The following RBFOX1 variants were observed in gnomAD, a reference collection of about 807,000 sequenced individuals.
The protein encoded by RBFOX1 is RNA binding protein fox-1 homolog 1.
RBFOX1 carries 8 observed loss-of-function variants against 57.7 expected under a neutral mutation model. The ratio of observed to expected loss-of-function variants is 0.14; its 90% CI spans 0.08 to 0.25. The LOEUF is 0.25. Among genes scored for constraint, RBFOX1 ranks in the 10% least tolerant of loss-of-function variants. RBFOX1 has a pLI of 1.00. For missense variants in RBFOX1, 611 were observed against 548.5 expected (o/e 1.11, Z -1.14); for synonymous variants, 326 against 222.4 (o/e 1.47, Z -4.15).
At chr16:6,330,258 C>T (rs190018014) in intron 2 of RBFOX1, among the ~76,000 whole-genome samples, 51 of 152,272 alleles carry the variant, frequency 3.3e-4, no homozygotes, top group African/African-American at 1.2e-3. Flanking sequence ...CTTACTCCTG[C>T]GTAGTGGTGG....
chr16:7,344,035 A>G (rs913585123), intron 4 of RBFOX1, among the ~76,000 whole-genome samples: 6 of 151,478 alleles, frequency 4.0e-5, no homozygotes, highest in South Asian at 4.2e-4. Context: ...AGGGAAGCCA[A>G]TACCTTCTAC....
intron 3 of RBFOX1, among the ~76,000 whole-genome samples, chr16:6,729,760 C>T (rs751423566): frequency 1.3e-5 from 2 of 152,080 alleles, no homozygotes; most frequent in Non-Finnish European, 2.9e-5. Context: ...CTTAAAGTCA[C>T]ACTCTGTGTT....
intron 3 of RBFOX1, among the ~76,000 whole-genome samples, chr16:6,903,613 C>T (rs1001780933): frequency 3.3e-5 from 5 of 152,118 alleles, no homozygotes; most frequent in African/African-American, 4.8e-5. Flanking sequence ...TTTCAGTCAA[C>T]CTGTATAAAT....
At chr16:6,820,022 T>G (rs1471833409) in intron 3 of RBFOX1, among the ~76,000 whole-genome samples, 2 of 152,160 alleles carry the variant, frequency 1.3e-5, no homozygotes, top group Non-Finnish European at 2.9e-5. Flanking sequence ...TCCCCATATG[T>G]CATGGGAGGC....
intron 4 of RBFOX1, among the ~76,000 whole-genome samples, chr16:7,179,284 A>G (rs989725758): frequency 6.6e-6 from 1 of 151,550 alleles, no homozygotes; most frequent in African/African-American, 2.4e-5. Flanking sequence ...GTTCATGTCC[A>G]TTGGAAGTGT....
intron 3 of RBFOX1, among the ~76,000 whole-genome samples, chr16:6,892,013 C>G (rs929298750): frequency 2.0e-5 from 3 of 152,172 alleles, no homozygotes; most frequent in African/African-American, 7.2e-5. Context: ...AAAGAATCTT[C>G]TGTGTTGCCT....
At chr16:6,442,292 T>A in intron 2 of RBFOX1, among the ~76,000 whole-genome samples, 1 of 152,174 alleles carries the variant, frequency 6.6e-6, no homozygotes, top group East Asian at 1.9e-4. Flanking sequence ...GCACGGTGGC[T>A]CACACCTGTA....
chr16:5,945,066 C>T (rs551195434), intron 4 of RBFOX1, among the ~76,000 whole-genome samples: 1 of 149,798 alleles, frequency 6.7e-6, no homozygotes, highest in Non-Finnish European at 1.5e-5. Flanking sequence ...GAGACTGGAG[C>T]TCTATGTAGG....
chr16:6,891,647 C>T (rs751826211), intron 3 of RBFOX1, among the ~76,000 whole-genome samples: 8 of 152,208 alleles, frequency 5.3e-5, no homozygotes, highest in Non-Finnish European at 8.8e-5. Flanking sequence ...TGCTTAATCT[C>T]TGCAAGTTTC....
chr16:6,257,822 C>A (rs1024177897), intron 1 of RBFOX1, among the ~76,000 whole-genome samples: 4 of 152,160 alleles, frequency 2.6e-5, no homozygotes, highest in Non-Finnish European at 5.9e-5. Context: ...TCCACTCTAT[C>A]ATTAATGGGC....
intron 4 of RBFOX1, among the ~76,000 whole-genome samples, chr16:6,010,396 A>T (rs1448819843): frequency 2.6e-5 from 4 of 152,226 alleles, no homozygotes; most frequent in Non-Finnish European, 4.4e-5. Context: ...ACTAGCTCCA[A>T]GAAGTCTTTA....
chr16:7,637,419 G>T (rs146923173), intron 11 of RBFOX1, among the ~76,000 whole-genome samples: 2 of 152,142 alleles, frequency 1.3e-5, no homozygotes, highest in African/African-American at 4.8e-5. Flanking sequence ...CTGATATATT[G>T]ATTGCAGATT....
At chr16:6,316,893 C>A (rs187649297) in intron 1 of RBFOX1, 102 bp from the exon 2 acceptor site, 5 of 804,618 alleles carry the variant, frequency 6.2e-6, no homozygotes, top group Non-Finnish European at 9.9e-6. Flanking sequence ...TAGTCAGAAC[C>A]TATTTTGAAG....
chr16:6,402,238 C>T (rs1447136262), intron 2 of RBFOX1, among the ~76,000 whole-genome samples: 2 of 152,176 alleles, frequency 1.3e-5, no homozygotes, highest in Non-Finnish European at 2.9e-5. Flanking sequence ...ATGACCCTGA[C>T]ATTCATCCCC....
At chr16:6,926,021 C>A in intron 3 of RBFOX1, among the ~76,000 whole-genome samples, 1 of 152,198 alleles carries the variant, frequency 6.6e-6, no homozygotes, top group African/African-American at 2.4e-5. Context: ...AAAACCTCAA[C>A]TTGCTGGCTG....
chr16:5,702,550 C>G (rs2051091043), intron 3 of RBFOX1, among the ~76,000 whole-genome samples: 1 of 152,222 alleles, frequency 6.6e-6, no homozygotes, highest in Non-Finnish European at 1.5e-5. Context: ...CAACTTTCCC[C>G]TAATAGCCCT....
chr16:7,545,945 G>T (rs188986371), intron 5 of RBFOX1, among the ~76,000 whole-genome samples: 28 of 151,022 alleles, frequency 1.9e-4, no homozygotes, highest in African/African-American at 6.8e-4. Context: ...ATGTGAGCAT[G>T]CCTTAGAAAT....
Position 6,250,469 on chromosome 16 carries a change from G to C in RBFOX1, c.-126-66526G>C, listed in dbSNP as rs78542845. ...GAAAATGAGCAATGCTATGGACCTTGGGCAGAGCACAGGCAGTACATGGCT... is the reference window on the plus strand; with the variant it reads ...GAAAATGAGCAATGCTATGGACCTTCGGCAGAGCACAGGCAGTACATGGCT... On this transcript the variant is annotated intron_variant, in intron 1 of 15. Coordinates refer to ENST00000550418, the MANE Select transcript of RBFOX1 (RefSeq NM_018723.4). Among the ~76,000 whole-genome samples, 813 of 152,244 alleles carry C rather than the reference G, an allele frequency of 5.3e-3. 11 individuals carry two copies. The highest frequency in any genetic ancestry group is 0.019 in the African/African-American group (778 of 41,538).
At chr16:7,324,289 A>G (rs886677506) in intron 4 of RBFOX1, among the ~76,000 whole-genome samples, 2 of 152,140 alleles carry the variant, frequency 1.3e-5, no homozygotes, top group Non-Finnish European at 2.9e-5. Context: ...CAGCAACTGA[A>G]TGGAATTAGT....
Sources: gnomAD v4.1 joint callset for allele counts (sites outside exome capture counted in the v4.1 genomes callset) on GRCh38, gnomAD v4.1.1 for gene constraint, MANE v1.5 for transcripts, NCBI Gene and HGNC (gene_info 2026-07-23, HGNC 2026-07-21) for gene names.